SPCS2: variants seen among roughly 807,000 people sequenced by gnomAD.
The protein encoded by SPCS2 is signal peptidase complex subunit 2, also known as SPase 25 kDa subunit.
A neutral mutation model predicts 22.3 loss-of-function variants in SPCS2; 3 were observed. The observed-to-expected ratio is 0.13, with a 90% CI of 0.06 to 0.35. The LOEUF (loss-of-function observed/expected upper bound fraction) is 0.35, where lower values mean the gene tolerates loss of function less well. SPCS2 is among the 10% of genes least tolerant of loss of function. The pLI is 1.00. For synonymous variants in SPCS2, 67 were observed against 97.2 expected, an observed-to-expected ratio of 0.69 and a Z score of 1.83; for missense variants, 169 against 280.9, an observed-to-expected ratio of 0.60 and a Z score of 2.85.
In SPCS2 at chr11:74,978,251, A is replaced by G. The variant is rs912095158; in HGVS notation, c.*1208A>G. Reference sequence around the variant, plus strand: ...TTGGCTGAGCCTAGTACCCAACACTATATTCAGTTTGTAAGAAATTACCAT... The same window carrying G: ...TTGGCTGAGCCTAGTACCCAACACTGTATTCAGTTTGTAAGAAATTACCAT... On this transcript the variant is annotated 3_prime_UTR_variant, in exon 5 of 5. Transcript: ENST00000263672. 1.3e-5 allele frequency: 2 copies of G among 152,238 alleles called. No individual in the cohort carries two copies. The highest frequency in any genetic ancestry group is 4.8e-5 in the African/African-American group (2 of 41,464). The allele number at this position is 152,238 out of a possible 1,614,324, so 9.4% of individuals were successfully genotyped here. A position where few individuals can be genotyped will look rare whatever the true frequency, so the allele number is the denominator to read the frequency against.
At chr11:74,951,518 G>C (rs986133645) in intron 1 of SPCS2, among the ~76,000 whole-genome samples, 1 of 151,990 alleles carries the variant, frequency 6.6e-6, no homozygotes, top group African/African-American at 2.4e-5. Flanking sequence ...ATTGATAAGA[G>C]TAAGAGCCTC....
At chr11:74,963,548 T>A (rs934652781) in intron 1 of SPCS2, 5 of 403,310 alleles carry the variant, frequency 1.2e-5, no homozygotes, top group Non-Finnish European at 2.4e-5. Context: ...TTTTTTATTG[T>A]TTGTTTGTTT....
At chr11:74,957,323 A>G (rs1357745301) in intron 1 of SPCS2, among the ~76,000 whole-genome samples, 2 of 152,238 alleles carry the variant, frequency 1.3e-5, no homozygotes. Flanking sequence ...GAAACCCAGA[A>G]AAGTCATATA....
intron 4 of SPCS2, among the ~76,000 whole-genome samples, chr11:74,970,136 G>A (rs1169765397): frequency 6.6e-6 from 1 of 152,154 alleles, no homozygotes; most frequent in African/African-American, 2.4e-5. Flanking sequence ...ACCAGTGTCA[G>A]GTATAACTTT....
intron 1 of SPCS2, among the ~76,000 whole-genome samples, chr11:74,955,642 G>A (rs11820673): frequency 0.025 from 3,751 of 151,690 alleles, 170 homozygotes; most frequent in African/African-American, 0.086. Context: ...AACCTTGTGA[G>A]TATACTAAAA....
chr11:74,974,590 CAT>C (rs1208107402), intron 4 of SPCS2, among the ~76,000 whole-genome samples: 5 of 152,286 alleles, frequency 3.3e-5, no homozygotes, highest in African/African-American at 9.6e-5. Flanking sequence ...TCCTCTCTCA[CAT>C]ATGTTACTGT....
chr11:74,972,901 T>G (rs1948594126), intron 4 of SPCS2, among the ~76,000 whole-genome samples: 1 of 150,878 alleles, frequency 6.6e-6, no homozygotes, highest in Admixed American at 6.6e-5. Flanking sequence ...TATATTTTTT[T>G]TTTTCCTGCA....
At chr11:74,955,679 T>G (rs559582484) in intron 1 of SPCS2, among the ~76,000 whole-genome samples, 2 of 151,788 alleles carry the variant, frequency 1.3e-5, no homozygotes, top group South Asian at 2.1e-4. Context: ...TATTTTTAAA[T>G]AGTGAATTTT....
intron 1 of SPCS2, among the ~76,000 whole-genome samples, chr11:74,960,293 C>G (rs925362728): frequency 7.2e-5 from 11 of 152,246 alleles, no homozygotes; most frequent in African/African-American, 2.7e-4. Context: ...GATCGCGCCA[C>G]TGCGCTCAGC....
Position 74,978,150 on chromosome 11 carries a change from C to T in SPCS2, c.*1107C>T, listed in dbSNP as rs1948626664. 1.3e-5 allele frequency: 2 copies of T among 152,196 alleles called. No individual in the cohort carries two copies. Among genetic ancestry groups the T allele is most frequent in the Admixed American group, 6.5e-5 (1 of 15,278 alleles). 9.4% of individuals were successfully genotyped at this position (152,196 alleles called of 1,614,324 possible). ...TTTTCCAGTATTTTCCCAGTATGGT[C>T]AGAGAAGACCTGGGTGCTTGCCAAG... On this transcript the variant is annotated 3_prime_UTR_variant, in exon 5 of 5. Transcript: ENST00000263672.
chr11:74,970,561 C>T (rs1015718727), intron 4 of SPCS2, among the ~76,000 whole-genome samples: 1 of 152,196 alleles, frequency 6.6e-6, no homozygotes, highest in Non-Finnish European at 1.5e-5. Flanking sequence ...AATAGCCGCA[C>T]AAATTATAGG....
At chr11:74,974,680 T>C (rs1487399347) in intron 4 of SPCS2, among the ~76,000 whole-genome samples, 1 of 152,244 alleles carries the variant, frequency 6.6e-6, no homozygotes, top group African/African-American at 2.4e-5. Context: ...AGTGGCGCGA[T>C]CTCGGCTCGC....
chr11:74,960,839 G>T (rs933648119), intron 1 of SPCS2, among the ~76,000 whole-genome samples: 3 of 152,104 alleles, frequency 2.0e-5, no homozygotes, highest in Non-Finnish European at 4.4e-5. Context: ...TAGCACATCC[G>T]TAGCACATGT....
chr11:74,953,466 T>G (rs1948458313), intron 1 of SPCS2, among the ~76,000 whole-genome samples: 1 of 152,184 alleles, frequency 6.6e-6, no homozygotes, highest in Admixed American at 6.5e-5. Flanking sequence ...GTGCGGGGTT[T>G]ACAAGCGTGC....
At chr11:74,973,259 A>G (rs1170627070) in intron 4 of SPCS2, among the ~76,000 whole-genome samples, 1 of 152,074 alleles carries the variant, frequency 6.6e-6, no homozygotes, top group Non-Finnish European at 1.5e-5. Flanking sequence ...TGCCACTTCT[A>G]TGCCTCTTCT....
Position 74,965,720 on chromosome 11 carries a change from A to G in SPCS2, c.199-43A>G, listed in dbSNP as rs748040776. The G allele has an allele frequency of 1.2e-5, 18 of 1,506,044 alleles. No individual in the cohort carries two copies. The South Asian group carries it at 1.8e-4, about 15-fold the overall frequency. 93.3% of individuals were successfully genotyped at this position (1,506,044 alleles called of 1,614,324 possible). A position where few individuals can be genotyped will look rare whatever the true frequency, so the allele number is the denominator to read the frequency against. ...TCAAGAATAAAAGCACATACTGGGGAGGAAGTATTCCTATTAGCTTGATTC... is the reference window on the plus strand; with the variant it reads ...TCAAGAATAAAAGCACATACTGGGGGGGAAGTATTCCTATTAGCTTGATTC... On this transcript the variant is annotated intron_variant, in intron 2 of 4. Coordinates refer to ENST00000263672, the MANE Select transcript of SPCS2 (RefSeq NM_014752.3).
chr11:74,956,968 C>T lies in SPCS2; in HGVS notation c.114+7569C>T, dbSNP rs562879718. Among the ~76,000 whole-genome samples, 61 of 152,224 alleles carry T rather than the reference C, an allele frequency of 4.0e-4. 1 individual carries two copies. Among genetic ancestry groups the T allele is most frequent in the African/African-American group, 1.4e-3 (60 of 41,548 alleles). On this transcript the variant is annotated intron_variant, in intron 1 of 4. Coordinates refer to ENST00000263672, the MANE Select transcript of SPCS2 (RefSeq NM_014752.3). ...TTATTCAACTCTGCTCAGATGTTAA[C>T]TATTTTCCCTCACTATTTTTTAGTC...
At chr11:74,960,668 T>C (rs1199158172) in intron 1 of SPCS2, among the ~76,000 whole-genome samples, 1 of 152,130 alleles carries the variant, frequency 6.6e-6, no homozygotes, top group Non-Finnish European at 1.5e-5. Context: ...TGTAGAATAA[T>C]GAGAGAGCAT....
chr11:74,970,558 G>A (rs983350563), intron 4 of SPCS2, among the ~76,000 whole-genome samples: 1 of 152,126 alleles, frequency 6.6e-6, no homozygotes, highest in Admixed American at 6.5e-5. Flanking sequence ...CATAATAGCC[G>A]CACAAATTAT....
Sources: gnomAD v4.1 joint callset for allele counts (sites outside exome capture counted in the v4.1 genomes callset) on GRCh38, gnomAD v4.1.1 for gene constraint, MANE v1.5 for transcripts, NCBI Gene and HGNC (gene_info 2026-07-23, HGNC 2026-07-21) for gene names.